The following KPNA2 variants were observed in gnomAD, a reference collection of about 807,000 sequenced individuals.
The protein encoded by KPNA2 is karyopherin subunit alpha 2.
KPNA2 carries 20 observed loss-of-function variants against 53.7 expected under a neutral mutation model. The observed-to-expected ratio is 0.37, with a 90% confidence interval of 0.26 to 0.54. KPNA2 has a LOEUF of 0.54. KPNA2 is among the 20% of genes least tolerant of loss of function. The pLI is 0.83. For synonymous variants in KPNA2, 238 were observed against 227.5 expected (o/e 1.05, Z -0.42); for missense variants, 515 against 640.3 (o/e 0.80, Z 2.11).
chr17:68,045,107 A>G (rs2071312809), intron 9 of KPNA2, among the ~76,000 whole-genome samples: 1 of 151,450 alleles, frequency 6.6e-6, no homozygotes, highest in Non-Finnish European at 1.5e-5. Context: ...AAAAAAAAAA[A>G]AAGTTGAGCC....
chr17:68,043,405 C>T (rs1555704945), intron 7 of KPNA2, 42 bp downstream of exon 7: 8 of 1,594,850 alleles, frequency 5.0e-6, no homozygotes, highest in South Asian at 1.1e-5. Context: ...GTATAAGAAG[C>T]ATGATCAGGG....
rs181820666 is a variant in KPNA2 at position 68,043,846 on chromosome 17, C to T, written c.939C>T (p.Ala313=). ...GASELPIVTP[A]LRAIGNIVTG... ...TATTTTTTTTTTTTCAGACTCCTGC[C>T]CTAAGAGCCATAGGGAATATTGTCA... The change falls in exon 8 of 11, where the codon GCC becomes GCT. Residue 313 remains alanine, a synonymous_variant. Coordinates refer to ENST00000330459, the MANE Select transcript of KPNA2 (RefSeq NM_002266.4). The T allele has an allele frequency of 2.5e-6, 4 of 1,603,180 alleles. No individual in the cohort carries two copies. The highest frequency in any genetic ancestry group is 2.2e-5 in the East Asian group (1 of 44,808).
chr17:68,045,743 C>T (rs782154973), intron 9 of KPNA2, 29 bp from the exon 10 acceptor site: 2 of 1,494,302 alleles, frequency 1.3e-6, no homozygotes, highest in Non-Finnish European at 8.9e-7. Context: ...GAGTATATGC[C>T]AGTAAACTTG....
intron 1 of KPNA2, chr17:68,036,519 G>A (rs1555703770): frequency 6.6e-6 from 1 of 152,326 alleles, no homozygotes; most frequent in Non-Finnish European, 1.5e-5. Context: ...AGCCTCCTGA[G>A]GATCTGAATT....
At chr17:68,045,497 T>C (rs2071317689) in intron 9 of KPNA2, 1 of 302,580 alleles carries the variant, frequency 3.3e-6, no homozygotes, top group South Asian at 8.1e-5. Context: ...TTTTAAAAGT[T>C]GCCCGCATGA....
chr17:68,037,145 G>C lies in KPNA2; in HGVS notation c.13G>C (p.Glu5Gln), dbSNP rs782307043. The stretch of plus-strand genomic sequence containing the variant: ...TTGTCTCATAACCATGTCCACCAAC[G>C]AGAATGCTAATACACCAGCTGCCCG... MSTN[E>Q]NANTPAARLH... Residue 5 changes from glutamate to glutamine, a missense_variant, in exon 2 of 11, where the codon GAG becomes CAG. Physicochemically the swap from Glu to Gln is conservative, Grantham distance 29. Coordinates refer to ENST00000330459, the MANE Select transcript of KPNA2 (RefSeq NM_002266.4). The C allele has an allele frequency of 1.9e-6, 3 of 1,612,976 alleles. No homozygotes were observed. Among genetic ancestry groups the C allele is most frequent in the Non-Finnish European group, 1.7e-6 (2 of 1,179,460 alleles).
In KPNA2 at chr17:68,037,221, G is replaced by T; in HGVS notation, c.75+14G>T. 6.2e-7 allele frequency: 1 copy of T among 1,604,470 alleles called. No individual in the cohort carries two copies. The highest frequency in any genetic ancestry group is 8.5e-7 in the Non-Finnish European group (1 of 1,174,696). On this transcript the variant is annotated intron_variant, in intron 2 of 10. Coordinates refer to ENST00000330459, the MANE Select transcript of KPNA2 (RefSeq NM_002266.4). The stretch of plus-strand genomic sequence containing the variant: ...AAAGACAGTACAGTGAGTACCTTCT[G>T]TTGCTTTCCTGTGGTGGTATTTAAA...
In KPNA2 at chr17:68,043,275, G is replaced by T; in HGVS notation, c.842G>T (p.Gly281Val). The T allele has an allele frequency of 6.2e-7, 1 of 1,614,124 alleles. No homozygotes were observed. The highest frequency in any genetic ancestry group is 8.5e-7 in the Non-Finnish European group (1 of 1,180,002). The change falls in exon 7 of 11, where the codon GGT becomes GTT. Residue 281 changes from glycine (G) to valine (V), a missense_variant. Transcript: ENST00000330459. The part of the protein sequence containing the change: ...TCWAISYLTD[G>V]PNERIGMVVK... Reference sequence around the variant, plus strand: ...TGGGCTATTTCCTACCTTACTGATGGTCCAAATGAACGAATTGGCATGGTG... The same window carrying T: ...TGGGCTATTTCCTACCTTACTGATGTTCCAAATGAACGAATTGGCATGGTG...
At chr17:68,038,997 A>G (rs2071221748) in intron 3 of KPNA2, among the ~76,000 whole-genome samples, 1 of 144,674 alleles carries the variant, frequency 6.9e-6, no homozygotes, top group South Asian at 2.2e-4. Context: ...GCTGGGTGAC[A>G]GTGAGACCCT....
At position 68,043,028 on chromosome 17, in the gene KPNA2, C is replaced by A. The variant is rs1555704840; in HGVS notation, c.666+29C>A. The A allele has an allele frequency of 3.1e-6, 5 of 1,608,842 alleles. No individual in the cohort carries two copies. In the South Asian group the frequency reaches 5.5e-5, roughly 18 times the overall value. On this transcript the variant is annotated intron_variant, in intron 6 of 10. Transcript: ENST00000330459. The stretch of plus-strand genomic sequence containing the variant: ...AGTTACTAACATGAGTAAAGTTACT[C>A]ACTTCTTCATTCTAATTTCCCCCAT...
rs781979322 is a variant in KPNA2, at chr17:68,043,226, C to T, written c.793C>T (p.Pro265Ser). 6.2e-7 allele frequency: 1 copy of T among 1,614,068 alleles called. No homozygotes were observed. Among genetic ancestry groups the T allele is most frequent in the Non-Finnish European group, 8.5e-7 (1 of 1,179,966 alleles). ...AGTTCGGCTCCTGCATCATGATGATCCAGAAGTATTAGCAGATACCTGCTG... is the reference window on the plus strand; with the variant it reads ...AGTTCGGCTCCTGCATCATGATGATTCAGAAGTATTAGCAGATACCTGCTG... Reference protein sequence around the residue: ...TLVRLLHHDDPEVLADTCWAI... With the variant: ...TLVRLLHHDDSEVLADTCWAI... The change falls in exon 7 of 11, where the codon CCA becomes TCA. Residue 265 changes from proline to serine, a missense_variant. Pro to Ser is a moderately conservative substitution (Grantham distance 74). Transcript: ENST00000330459.
chr17:68,044,408 C>G lies in KPNA2; in HGVS notation c.1252C>G (p.His418Asp), dbSNP rs370385445. 6.2e-7 allele frequency: 1 copy of G among 1,613,754 alleles called. No individual in the cohort carries two copies. Among genetic ancestry groups the G allele is most frequent in the South Asian group, 1.1e-5 (1 of 91,064 alleles). The change falls in exon 9 of 11, where the codon CAC becomes GAC. Residue 418 changes from histidine (H) to aspartate (D), a missense_variant. Coordinates refer to ENST00000330459, the MANE Select transcript of KPNA2 (RefSeq NM_002266.4). ...AGTTGAACAGATTGTGTACCTTGTT[C>G]ACTGTGGCATAATAGAACCGTTGAT... ...GTVEQIVYLVHCGIIEPLMNL... is the reference protein window; with the variant it reads ...GTVEQIVYLVDCGIIEPLMNL...
At chr17:68,045,730 C>T in intron 9 of KPNA2, 42 bp from the exon 10 acceptor site, 1 of 1,406,998 alleles carries the variant, frequency 7.1e-7, no homozygotes, top group South Asian at 1.6e-5. Flanking sequence ...TAAAATAAAA[C>T]CAGAGTATAT....
At chr17:68,044,120 A>C (rs2071300179) in intron 8 of KPNA2, 49 bp downstream of exon 8, 3 of 1,497,398 alleles carry the variant, frequency 2.0e-6, no homozygotes, top group Middle Eastern at 3.4e-4. Context: ...ATTTATAGAA[A>C]GCTGTGCTTG....
chr17:68,039,309 C>T (rs572643710), intron 3 of KPNA2, among the ~76,000 whole-genome samples: 12 of 151,566 alleles, frequency 7.9e-5, no homozygotes, highest in Middle Eastern at 3.2e-3. Flanking sequence ...TTAGTAGACA[C>T]GGGGATTCAC....
At chr17:68,041,701 G>A (rs1325028978) in intron 4 of KPNA2, among the ~76,000 whole-genome samples, 1 of 152,192 alleles carries the variant, frequency 6.6e-6, no homozygotes, top group Non-Finnish European at 1.5e-5. Context: ...ACTCTAGCCT[G>A]AGTGGAGTGA....
At chr17:68,039,751 G>T (rs1302406216) in intron 3 of KPNA2, among the ~76,000 whole-genome samples, 2 of 151,036 alleles carry the variant, frequency 1.3e-5, no homozygotes, top group Non-Finnish European at 2.9e-5. Context: ...TTGCACTCCA[G>T]CCTGGGCAAG....
intron 3 of KPNA2, 120 bp downstream of exon 3, chr17:68,037,615 A>T (rs2144206555): frequency 1.0e-6 from 1 of 968,740 alleles, no homozygotes; most frequent in East Asian, 2.4e-5. Context: ...ATCTGTGAAC[A>T]TCTTTTTCTC....
chr17:68,038,039 C>T (rs782110961), intron 3 of KPNA2, among the ~76,000 whole-genome samples: 3 of 152,228 alleles, frequency 2.0e-5, no homozygotes, highest in Admixed American at 6.5e-5. Context: ...TGCAGTGGTG[C>T]GATCTCCGCT....
Sources: allele counts gnomAD v4.1 joint callset (sites outside exome capture counted in the v4.1 genomes callset), GRCh38; gene constraint gnomAD v4.1.1; transcripts MANE v1.5; gene names NCBI Gene and HGNC (gene_info 2026-07-23, HGNC 2026-07-21).